The following SLC25A21 variants were observed in gnomAD, a reference collection of about 807,000 sequenced individuals.
The protein encoded by SLC25A21 is mitochondrial 2-oxodicarboxylate carrier.
In SLC25A21, 47 loss-of-function variants were observed where a neutral mutation model predicts 43.8. The observed-to-expected ratio is 1.07, with a 90% CI of 0.85 to 1.37. The LOEUF is 1.37. SLC25A21 is among the 40% of genes most tolerant of loss of function. The pLI, the probability that SLC25A21 is intolerant of heterozygous loss-of-function variation, is 0.00. For synonymous variants in SLC25A21, 131 were observed against 121.3 expected, an observed-to-expected ratio of 1.08 and a Z score of -0.52; for missense variants, 352 against 350.2, an observed-to-expected ratio of 1.00 and a Z score of -0.04.
At chr14:36,848,035 C>T (rs530920122) in intron 2 of SLC25A21, among the ~76,000 whole-genome samples, 62 of 152,146 alleles carry the variant, frequency 4.1e-4, no homozygotes, top group African/African-American at 1.3e-3. Context: ...CCCCGAATGG[C>T]GTGGTGACCA....
intron 1 of SLC25A21, among the ~76,000 whole-genome samples, chr14:36,929,259 T>C (rs1566746325): frequency 6.6e-6 from 1 of 152,184 alleles, no homozygotes; most frequent in Non-Finnish European, 1.5e-5. Context: ...AACAAATATT[T>C]GTTGAATGAA....
chr14:36,810,913 A>G (rs540596939), intron 3 of SLC25A21, among the ~76,000 whole-genome samples: 4 of 95,292 alleles, frequency 4.2e-5, no homozygotes, highest in Admixed American at 3.0e-4. Flanking sequence ...AGCATATGAT[A>G]GAGAAAAGAG....
chr14:36,717,339 C>T (rs576206303), intron 6 of SLC25A21, among the ~76,000 whole-genome samples: 1 of 152,284 alleles, frequency 6.6e-6, no homozygotes, highest in East Asian at 1.9e-4. Flanking sequence ...TTTAATAGGG[C>T]ATGATTATGA....
chr14:36,912,597 T>C (rs990618540), intron 1 of SLC25A21, among the ~76,000 whole-genome samples: 3 of 152,206 alleles, frequency 2.0e-5, no homozygotes, highest in Non-Finnish European at 4.4e-5. Context: ...ACTGATAGAG[T>C]ACAATTTTAG....
intron 2 of SLC25A21, among the ~76,000 whole-genome samples, chr14:36,865,476 A>G (rs1302280758): frequency 6.6e-6 from 1 of 152,084 alleles, no homozygotes; most frequent in Non-Finnish European, 1.5e-5. Flanking sequence ...CTCAAAAACC[A>G]CGGAATGAGC....
intron 7 of SLC25A21, among the ~76,000 whole-genome samples, chr14:36,703,079 T>C (rs1386062750): frequency 6.6e-6 from 1 of 152,232 alleles, no homozygotes; most frequent in Non-Finnish European, 1.5e-5. Context: ...TTTTTCTTAA[T>C]GAAACTTTAA....
At chr14:37,171,112 G>GGGGGAGGGGA (rs1204971184) in intron 1 of SLC25A21, among the ~76,000 whole-genome samples, 2 of 93,474 alleles carry the variant, frequency 2.1e-5, no homozygotes, top group African/African-American at 4.0e-5. Flanking sequence ...AAAGAAAAAG[G>GGGGGAGGGGA]GGGGAGGGGA....
At chr14:37,044,555 T>C (rs1961547446) in intron 1 of SLC25A21, among the ~76,000 whole-genome samples, 1 of 152,212 alleles carries the variant, frequency 6.6e-6, no homozygotes, top group African/African-American at 2.4e-5. Flanking sequence ...ATATTGAATG[T>C]ACCACAGGAA....
chr14:37,093,487 A>G (rs997705957), intron 1 of SLC25A21, among the ~76,000 whole-genome samples: 5 of 152,162 alleles, frequency 3.3e-5, no homozygotes, highest in African/African-American at 1.2e-4. Flanking sequence ...CACAGCCATG[A>G]TTATTTGTGG....
At chr14:37,143,282 G>A (rs558437376) in intron 1 of SLC25A21, among the ~76,000 whole-genome samples, 17 of 152,304 alleles carry the variant, frequency 1.1e-4, no homozygotes, top group Non-Finnish European at 2.2e-4. Flanking sequence ...AGTGAAGCTT[G>A]GTGAACTAAG....
rs1196041612 is a variant in SLC25A21, at chr14:36,684,755, A to G, written c.774T>C (p.Tyr258=). Reference sequence around the variant, plus strand: ...ATGTGTTATGTTACCCTTCTTCCTGATAGACTGTTGCCATTGTTTTAAAAC... The same window carrying G: ...ATGTGTTATGTTACCCTTCTTCCTGGTAGACTGTTGCCATTGTTTTAAAAC... ...RTCFKTMATV[Y]QEEGILALYK... is the part of the protein sequence containing the mutation. The change falls in exon 8 of 10, where the codon TAT becomes TAC. Residue 258 remains tyrosine (Y), a synonymous_variant. Coordinates refer to ENST00000331299, the MANE Select transcript of SLC25A21 (RefSeq NM_030631.4). The G allele has an allele frequency of 1.2e-6, 2 of 1,606,848 alleles. No individual in the cohort carries two copies. Among genetic ancestry groups the G allele is most frequent in the Non-Finnish European group, 1.7e-6 (2 of 1,177,288 alleles).
intron 1 of SLC25A21, among the ~76,000 whole-genome samples, chr14:36,935,342 G>A (rs1232878884): frequency 6.6e-6 from 1 of 152,142 alleles, no homozygotes; most frequent in Non-Finnish European, 1.5e-5. Flanking sequence ...GACTGACCCA[G>A]AGCTTGATTT....
chr14:36,891,294 G>A (rs980723080), intron 1 of SLC25A21, among the ~76,000 whole-genome samples: 5 of 152,050 alleles, frequency 3.3e-5, no homozygotes, highest in African/African-American at 1.2e-4. Context: ...ATGTCACCAA[G>A]GGCATTGTAA....
chr14:37,002,533 G>A (rs932533366), intron 1 of SLC25A21, among the ~76,000 whole-genome samples: 1 of 151,994 alleles, frequency 6.6e-6, no homozygotes, highest in African/African-American at 2.4e-5. Context: ...TCCTTCCTAC[G>A]TATACAACTT....
At chr14:36,704,502 TA>T (rs1883414275) in intron 7 of SLC25A21, among the ~76,000 whole-genome samples, 1 of 151,056 alleles carries the variant, frequency 6.6e-6, no homozygotes, top group Non-Finnish European at 1.5e-5. Flanking sequence ...ACTAAAAATA[TA>T]AAAATTAGCT....
At chr14:36,745,220 C>A (rs1023548601) in intron 3 of SLC25A21, among the ~76,000 whole-genome samples, 6 of 152,078 alleles carry the variant, frequency 3.9e-5, no homozygotes, top group African/African-American at 1.4e-4. Flanking sequence ...ATATGTGCCA[C>A]ATTTTCTTTA....
At chr14:36,999,153 A>T (rs910981944) in intron 1 of SLC25A21, among the ~76,000 whole-genome samples, 1 of 152,220 alleles carries the variant, frequency 6.6e-6, no homozygotes, top group East Asian at 1.9e-4. Context: ...AGGTGAATGG[A>T]TACATAAACT....
intron 2 of SLC25A21, among the ~76,000 whole-genome samples, chr14:36,827,981 A>C (rs1888896261): frequency 6.6e-6 from 1 of 152,206 alleles, no homozygotes; most frequent in African/African-American, 2.4e-5. Context: ...ACATTGCAAC[A>C]CCTTATCCTA....
chr14:36,870,911 TCTC>T (rs967350287), intron 2 of SLC25A21: 2 of 152,096 alleles, frequency 1.3e-5, no homozygotes, highest in African/African-American at 4.8e-5. Flanking sequence ...TCATATTTCT[TCTC>T]CTTCTGGTTG....
Sources: allele counts gnomAD v4.1 joint callset (sites outside exome capture counted in the v4.1 genomes callset), GRCh38; gene constraint gnomAD v4.1.1; transcripts MANE v1.5; gene names NCBI Gene and HGNC (gene_info 2026-07-23, HGNC 2026-07-21).